Variants in PRIM2 observed in about 807,000 individuals in gnomAD.
PRIM2 encodes the protein DNA primase large subunit.
A neutral mutation model predicts 67.3 loss-of-function variants in PRIM2; 39 were observed. That is an observed-to-expected ratio of 0.58 (90% CI 0.45 to 0.76). PRIM2 has a LOEUF of 0.76. Ranked by LOEUF, PRIM2 falls within the 30% of genes least tolerant of loss-of-function variation. The probability of loss-of-function intolerance (pLI) is 0.00; values close to 1 mark genes in which losing one functional copy is unlikely to be tolerated. For synonymous variants in PRIM2, 143 were observed against 198.7 expected, an observed-to-expected ratio of 0.72 and a Z score of 2.36; for missense variants, 398 against 598.7, an observed-to-expected ratio of 0.66 and a Z score of 3.50.
chr6:57,301,066 C>T, the PRIM2 span, among the ~76,000 whole-genome samples: 56 of 152,308 alleles, frequency 3.7e-4, no homozygotes, highest in African/African-American at 1.3e-3. Flanking sequence ...TGCTTCCATA[C>T]CTAGTGTGGA....
chr6:57,625,028 G>A (rs1401027891), intron 12 of PRIM2, among the ~76,000 whole-genome samples: 1 of 152,110 alleles, frequency 6.6e-6, no homozygotes, highest in African/African-American at 2.4e-5. Flanking sequence ...ACTACCATGC[G>A]AACAGTATGG....
the PRIM2 span, among the ~76,000 whole-genome samples, chr6:57,243,663 A>G: frequency 6.6e-6 from 1 of 151,940 alleles, no homozygotes; most frequent in African/African-American, 2.4e-5. Flanking sequence ...TTTAGTAGAG[A>G]TGGGGCTTCA....
At chr6:57,262,407 G>C in the PRIM2 span, among the ~76,000 whole-genome samples, 1 of 152,082 alleles carries the variant, frequency 6.6e-6, no homozygotes, top group Non-Finnish European at 1.5e-5. Flanking sequence ...AGTATTTCCA[G>C]TTATTTCTAG....
chr6:57,341,426 C>A (rs1242644224), intron 5 of PRIM2, among the ~76,000 whole-genome samples: 1 of 152,126 alleles, frequency 6.6e-6, no homozygotes, highest in Non-Finnish European at 1.5e-5. Context: ...ACAGAATAAC[C>A]ATTCCCGTGA....
At chr6:57,562,769 T>C (rs1775662931) in intron 10 of PRIM2, among the ~76,000 whole-genome samples, 1 of 152,184 alleles carries the variant, frequency 6.6e-6, no homozygotes, top group East Asian at 1.9e-4. Flanking sequence ...AACCTTGATG[T>C]ATATAGTCTT....
the PRIM2 span, among the ~76,000 whole-genome samples, chr6:57,253,341 C>T: frequency 6.6e-6 from 1 of 152,128 alleles, no homozygotes; most frequent in Admixed American, 6.5e-5. Flanking sequence ...AGGAGGAGAT[C>T]ATGAGTGCAA....
intron 7 of PRIM2, among the ~76,000 whole-genome samples, chr6:57,393,644 A>C (rs989281054): frequency 6.6e-6 from 1 of 152,024 alleles, no homozygotes; most frequent in East Asian, 1.9e-4. Context: ...TCCTTTTGCC[A>C]TGTGAAAGCT....
chr6:57,230,350 C>A, the PRIM2 span, among the ~76,000 whole-genome samples: 1 of 152,196 alleles, frequency 6.6e-6, no homozygotes, highest in Non-Finnish European at 1.5e-5. Flanking sequence ...CACTTGGGAG[C>A]ATTCAACCTT....
chr6:57,380,345 C>T (rs1348760607), intron 6 of PRIM2, among the ~76,000 whole-genome samples: 1 of 152,190 alleles, frequency 6.6e-6, no homozygotes, highest in African/African-American at 2.4e-5. Flanking sequence ...TGGATTGCTG[C>T]CTTGCGTGGA....
the PRIM2 span, among the ~76,000 whole-genome samples, chr6:57,238,410 C>G: frequency 6.6e-6 from 1 of 152,218 alleles, no homozygotes; most frequent in South Asian, 2.1e-4. Flanking sequence ...TTAAGAAACT[C>G]ACTCAAAACC....
At chr6:57,326,167 A>G in intron 5 of PRIM2, 122 bp downstream of exon 5, 1 of 1,037,012 alleles carries the variant, frequency 9.6e-7, no homozygotes, top group Non-Finnish European at 1.4e-6. Context: ...TGCCTGAAAC[A>G]GTAGCTAATA....
Position 57,597,296 on chromosome 6 carries a change from A to G in PRIM2, c.1021-3797A>G, listed in dbSNP as rs1308815117. ...TTTGAGCCAGTTTGTATGAATAGTT[A>G]GAGTTGTGGATAGGAGTTGGAAGAA... On this transcript the variant is annotated intron_variant, in intron 10 of 13. Coordinates refer to ENST00000615550, the MANE Select transcript of PRIM2 (RefSeq NM_000947.5). 2.6e-5 allele frequency among the ~76,000 whole-genome samples: 4 copies of G among 151,854 alleles called. No homozygotes were observed. In the East Asian group the frequency reaches 7.8e-4, roughly 29 times the overall value.
chr6:57,440,715 C>T (rs1772176822), intron 7 of PRIM2, among the ~76,000 whole-genome samples: 1 of 152,182 alleles, frequency 6.6e-6, no homozygotes, highest in South Asian at 2.1e-4. Flanking sequence ...GCACTGTGAA[C>T]CATTCCATCA....
chr6:57,326,166 C>T (rs1002772985), intron 5 of PRIM2, 121 bp downstream of exon 5: 7 of 1,085,240 alleles, frequency 6.5e-6, no homozygotes, highest in African/African-American at 6.4e-5. Context: ...CTGCCTGAAA[C>T]AGTAGCTAAT....
rs554659036 is a variant in PRIM2 at position 57,375,945 on chromosome 6, A to G, written c.460-3956A>G. Among the ~76,000 whole-genome samples the G allele has an allele frequency of 1.5e-3, 233 of 152,178 alleles. 2 individuals are homozygous for G. The highest frequency in any genetic ancestry group is 2.2e-3 in the Non-Finnish European group (153 of 68,002). ...AAAATGGCCAGGCATGGTGGCTCAC[A>G]TCTGTAATTCTAACACTTTGAGAGG... is the stretch of plus-strand genomic sequence containing the variant. On this transcript the variant is annotated intron_variant, in intron 5 of 13. Transcript: ENST00000615550.
intron 13 of PRIM2, among the ~76,000 whole-genome samples, chr6:57,642,064 A>G (rs1158140537): frequency 3.9e-5 from 6 of 152,242 alleles, no homozygotes; most frequent in Non-Finnish European, 5.9e-5. Flanking sequence ...AAAAAGGATG[A>G]GTTCATGTCC....
At chr6:57,290,349 A>T in the PRIM2 span, among the ~76,000 whole-genome samples, 1 of 152,186 alleles carries the variant, frequency 6.6e-6, no homozygotes, top group Admixed American at 6.5e-5. Flanking sequence ...ACCCAGATTC[A>T]TCAAGCAAGT....
At chr6:57,575,206 T>A (rs1430188332) in intron 10 of PRIM2, among the ~76,000 whole-genome samples, 1 of 152,198 alleles carries the variant, frequency 6.6e-6, no homozygotes, top group Non-Finnish European at 1.5e-5. Flanking sequence ...AGAAGGACCA[T>A]GAACGACCTA....
chr6:57,344,671 A>G (rs1257062065), intron 5 of PRIM2, among the ~76,000 whole-genome samples: 1 of 152,242 alleles, frequency 6.6e-6, no homozygotes, highest in Non-Finnish European at 1.5e-5. Flanking sequence ...GTTACAGTAA[A>G]ATATTGATAC....
Sources: allele counts gnomAD v4.1 joint callset (sites outside exome capture counted in the v4.1 genomes callset), GRCh38; gene constraint gnomAD v4.1.1; transcripts MANE v1.5; gene names NCBI Gene and HGNC (gene_info 2026-07-23, HGNC 2026-07-21).